Variants in SGTB observed in about 807,000 individuals in gnomAD.
SGTB encodes small glutamine-rich tetratricopeptide repeat-containing protein beta.
Under a neutral mutation model 43.9 loss-of-function variants are expected in SGTB, and 19 were observed. The ratio of observed to expected loss-of-function variants is 0.43; its 90% confidence interval spans 0.30 to 0.63. The LOEUF (loss-of-function observed/expected upper bound fraction) is 0.63. Among genes scored for constraint, SGTB ranks in the 30% least tolerant of loss-of-function variants. The pLI is 0.12. For synonymous variants in SGTB, 116 were observed against 117.3 expected (o/e 0.99, Z 0.07); for missense variants, 304 against 358.9 (o/e 0.85, Z 1.24).
intron 5 of SGTB, among the ~76,000 whole-genome samples, chr5:65,702,587 C>T (rs957089950): frequency 6.6e-6 from 1 of 152,182 alleles, no homozygotes; most frequent in African/African-American, 2.4e-5. Context: ...GGTACTCCTC[C>T]TGCTGTGTCC....
chr5:65,695,029 C>G (rs1270323399), intron 5 of SGTB, among the ~76,000 whole-genome samples: 1 of 86,546 alleles, frequency 1.2e-5, no homozygotes, highest in Non-Finnish European at 2.5e-5. Flanking sequence ...TATTTTGGAA[C>G]TACTGAAAGC....
chr5:65,672,433 A>T (rs1319654539), intron 8 of SGTB, 152 bp from the exon 9 acceptor site: 4 of 926,742 alleles, frequency 4.3e-6, no homozygotes, highest in Non-Finnish European at 6.6e-6. Context: ...GGGGAATGTA[A>T]AAAGAGAGAA....
intron 4 of SGTB, among the ~76,000 whole-genome samples, chr5:65,707,408 A>ACC (rs1757953952): frequency 6.8e-6 from 1 of 146,694 alleles, no homozygotes; most frequent in Admixed American, 6.9e-5. Flanking sequence ...ACACACACAC[A>ACC]CACACACACA....
intron 5 of SGTB, among the ~76,000 whole-genome samples, chr5:65,686,419 C>G (rs570525538): frequency 6.6e-6 from 1 of 152,178 alleles, no homozygotes; most frequent in Non-Finnish European, 1.5e-5. Context: ...AAGAGTCTCA[C>G]GCCAACCCAA....
At chr5:65,688,877 T>C (rs1313082586) in intron 5 of SGTB, among the ~76,000 whole-genome samples, 3 of 152,248 alleles carry the variant, frequency 2.0e-5, no homozygotes, top group Non-Finnish European at 4.4e-5. Flanking sequence ...TGGCGTGATC[T>C]TGGCTCACTG....
chr5:65,722,359 C>T, upstream of SGTB: 2 of 1,564,766 alleles, frequency 1.3e-6, no homozygotes. Flanking sequence ...CCGCCGCCAG[C>T]CTCTCAGCGC....
At chr5:65,721,730 G>A (rs1012346887) in intron 1 of SGTB, among the ~76,000 whole-genome samples, 187 bp downstream of exon 1, 4 of 152,166 alleles carry the variant, frequency 2.6e-5, no homozygotes, top group Non-Finnish European at 4.4e-5. Flanking sequence ...GGGGGGAAAA[G>A]GGGTGAGAAG....
At chr5:65,706,064 T>TATGGTA (rs1315597209) in intron 4 of SGTB, among the ~76,000 whole-genome samples, 1 of 152,030 alleles carries the variant, frequency 6.6e-6, no homozygotes, top group African/African-American at 2.4e-5. Flanking sequence ...TATAATTGAT[T>TATGGTA]ATGGTAATGG....
At chr5:65,691,043 G>A (rs1277584142) in intron 5 of SGTB, among the ~76,000 whole-genome samples, 1 of 152,186 alleles carries the variant, frequency 6.6e-6, no homozygotes, top group Non-Finnish European at 1.5e-5. Flanking sequence ...GATACTGAAA[G>A]ATACAGCAAA....
intron 5 of SGTB, among the ~76,000 whole-genome samples, chr5:65,693,717 AC>A (rs1293229533): frequency 6.6e-6 from 1 of 152,214 alleles, no homozygotes; most frequent in East Asian, 1.9e-4. Context: ...AAACTACTAT[AC>A]AAAGATGAAG....
chr5:65,693,908 T>C (rs1017634732), intron 5 of SGTB, among the ~76,000 whole-genome samples: 3 of 152,232 alleles, frequency 2.0e-5, no homozygotes, highest in African/African-American at 7.2e-5. Context: ...AAAAGTTCTG[T>C]ATCTGTACTA....
At chr5:65,703,899 G>T (rs1347458058) in intron 5 of SGTB, among the ~76,000 whole-genome samples, 3 of 151,544 alleles carry the variant, frequency 2.0e-5, no homozygotes, top group Non-Finnish European at 4.4e-5. Context: ...TTAGCCGGGC[G>T]TGGTGACAGG....
chr5:65,697,177 C>A (rs1757730525), intron 5 of SGTB, among the ~76,000 whole-genome samples: 1 of 152,082 alleles, frequency 6.6e-6, no homozygotes, highest in African/African-American at 2.4e-5. Flanking sequence ...TTGTTTAGTA[C>A]TTATATTAAA....
chr5:65,722,296 GC>G, upstream of SGTB: 1 of 1,194,988 alleles, frequency 8.4e-7, no homozygotes. Context: ...ACTCCCGGGC[GC>G]CCAGGCGCTG....
intron 4 of SGTB, among the ~76,000 whole-genome samples, chr5:65,704,965 A>C (rs1208131767): frequency 6.6e-6 from 1 of 152,238 alleles, no homozygotes; most frequent in African/African-American, 2.4e-5. Context: ...ATTTCTAGAA[A>C]GAGAATTTCA....
At chr5:65,682,765 A>T (rs542054757) in intron 6 of SGTB, among the ~76,000 whole-genome samples, 67 of 152,314 alleles carry the variant, frequency 4.4e-4, no homozygotes, top group African/African-American at 1.6e-3. Flanking sequence ...AGAGTTGAAG[A>T]GTAGTAGAAT....
intron 5 of SGTB, among the ~76,000 whole-genome samples, chr5:65,692,424 A>G (rs147754245): frequency 6.6e-6 from 1 of 152,340 alleles, no homozygotes; most frequent in East Asian, 1.9e-4. Context: ...GTAATGGGAC[A>G]GTCTGAAAAT....
chr5:65,690,244 C>A (rs900845205), intron 5 of SGTB, among the ~76,000 whole-genome samples: 7 of 152,082 alleles, frequency 4.6e-5, no homozygotes, highest in Non-Finnish European at 5.9e-5. Flanking sequence ...TTTGAGAACA[C>A]CTTGGGCAAC....
At chr5:65,696,447 T>C (rs1757716216) in intron 5 of SGTB, among the ~76,000 whole-genome samples, 1 of 152,356 alleles carries the variant, frequency 6.6e-6, no homozygotes, top group Middle Eastern at 3.4e-3. Context: ...AACTTGGTGG[T>C]GTTTTAGACC....
Sources: gnomAD v4.1 joint callset for allele counts (sites outside exome capture counted in the v4.1 genomes callset) on GRCh38, gnomAD v4.1.1 for gene constraint, MANE v1.5 for transcripts, NCBI Gene and HGNC (gene_info 2026-07-23, HGNC 2026-07-21) for gene names.